The following FBXL17 variants were observed in gnomAD, a reference collection of about 807,000 sequenced individuals.
The protein encoded by FBXL17 is F-box/LRR-repeat protein 17.
Under a neutral mutation model 66.2 loss-of-function variants are expected in FBXL17, and 22 were observed. The observed-to-expected ratio is 0.33, with a 90% CI of 0.24 to 0.47. The LOEUF (loss-of-function observed/expected upper bound fraction) is 0.47, where lower values mean the gene tolerates loss of function less well. FBXL17 is among the 20% of genes least tolerant of loss of function. The probability of loss-of-function intolerance (pLI) is 1.00; values close to 1 mark genes in which losing one functional copy is unlikely to be tolerated. For missense variants in FBXL17, 878 were observed against 948.2 expected, an observed-to-expected ratio of 0.93 and a Z score of 0.97; for synonymous variants, 474 against 400.5, an observed-to-expected ratio of 1.18 and a Z score of -2.19.
intron 4 of FBXL17, among the ~76,000 whole-genome samples, chr5:108,264,217 A>C (rs1580711947): frequency 6.7e-6 from 1 of 148,416 alleles, no homozygotes; most frequent in Admixed American, 6.7e-5. Context: ...TCTTTCTCAA[A>C]AAAAAAAAAA....
chr5:108,146,337 A>T (rs1397101996), intron 6 of FBXL17, among the ~76,000 whole-genome samples: 1 of 151,926 alleles, frequency 6.6e-6, no homozygotes, highest in Non-Finnish European at 1.5e-5. Flanking sequence ...AAATCCCCAT[A>T]TTCGAACGAG....
chr5:108,119,491 T>C (rs892912930), intron 6 of FBXL17, among the ~76,000 whole-genome samples: 10 of 152,152 alleles, frequency 6.6e-5, no homozygotes, highest in Admixed American at 5.9e-4. Context: ...ATAGGGCCCA[T>C]TGTTAACAGA....
intron 4 of FBXL17, among the ~76,000 whole-genome samples, chr5:108,287,307 A>T (rs1757937937): frequency 6.6e-6 from 1 of 152,110 alleles, no homozygotes; most frequent in Non-Finnish European, 1.5e-5. Context: ...AGCAAAAGAA[A>T]CTACTGACAG....
intron 6 of FBXL17, among the ~76,000 whole-genome samples, chr5:108,092,523 C>T (rs1315409459): frequency 1.3e-5 from 2 of 152,258 alleles, no homozygotes; most frequent in Non-Finnish European, 2.9e-5. Context: ...GCCATGTTGT[C>T]CAGGCTGATC....
intron 4 of FBXL17, among the ~76,000 whole-genome samples, chr5:108,263,860 A>G (rs982667202): frequency 1.3e-5 from 2 of 152,312 alleles, no homozygotes; most frequent in South Asian, 4.1e-4. Context: ...TTATTAGAAC[A>G]AACTACCCAA....
chr5:107,893,595 A>G (rs1393672247), intron 7 of FBXL17, among the ~76,000 whole-genome samples: 1 of 152,116 alleles, frequency 6.6e-6, no homozygotes, highest in Non-Finnish European at 1.5e-5. Flanking sequence ...CTGACCCAAA[A>G]CCAACAATAT....
chr5:108,226,382 CTTTAT>C (rs1755101680), intron 4 of FBXL17, among the ~76,000 whole-genome samples: 1 of 151,998 alleles, frequency 6.6e-6, no homozygotes, highest in East Asian at 1.9e-4. Context: ...TTTACTTCTA[CTTTAT>C]TTTATTTTTA....
intron 1 of FBXL17, among the ~76,000 whole-genome samples, chr5:108,375,367 GCA>G (rs61340348): frequency 0.059 from 8,843 of 148,814 alleles, 824 homozygotes; most frequent in East Asian, 0.39. Context: ...CAGAGACCCT[GCA>G]CACACACACA....
rs1381185224 is a variant in FBXL17, at chr5:107,965,872, C to A, written c.1822+55053G>T. Among the ~76,000 whole-genome samples, 8 of 152,140 alleles carry A rather than the reference C, an allele frequency of 5.3e-5. No homozygotes were observed. The East Asian group carries it at 1.5e-3, about 29-fold the overall frequency. ...AATTACACATAAAATATGATGACAC[C>A]AATTAGCACTTCTTACAAATAGCTA... is the stretch of plus-strand genomic sequence containing the variant. On this transcript the variant is annotated intron_variant, in intron 7 of 8. Transcript: ENST00000542267.
intron 6 of FBXL17, among the ~76,000 whole-genome samples, chr5:108,121,626 G>A (rs1328651307): frequency 6.6e-6 from 1 of 151,544 alleles, no homozygotes; most frequent in African/African-American, 2.4e-5. Context: ...GCACGGTCTC[G>A]GCTCACTGCA....
intron 6 of FBXL17, among the ~76,000 whole-genome samples, chr5:108,159,121 G>A (rs980953576): frequency 1.9e-4 from 29 of 152,186 alleles, no homozygotes; most frequent in African/African-American, 6.7e-4. Flanking sequence ...GAATGTCCTT[G>A]ACCTTATTAC....
At chr5:108,376,754 G>A (rs1398575924) in intron 1 of FBXL17, among the ~76,000 whole-genome samples, 1 of 150,660 alleles carries the variant, frequency 6.6e-6, no homozygotes, top group Admixed American at 6.6e-5. Flanking sequence ...GTTAAAAACT[G>A]GACATTTTGG....
At chr5:107,928,379 G>A (rs1421690096) in intron 7 of FBXL17, among the ~76,000 whole-genome samples, 1 of 150,876 alleles carries the variant, frequency 6.6e-6, no homozygotes, top group Non-Finnish European at 1.5e-5. Context: ...AGAGAGTTTG[G>A]CTCTAGGATT....
At chr5:108,266,151 A>G (rs1757036836) in intron 4 of FBXL17, among the ~76,000 whole-genome samples, 1 of 152,036 alleles carries the variant, frequency 6.6e-6, no homozygotes, top group African/African-American at 2.4e-5. Context: ...TGGAAATCTC[A>G]TAATGCAACT....
chr5:108,280,731 T>C (rs1287327966), intron 4 of FBXL17, among the ~76,000 whole-genome samples: 1 of 109,956 alleles, frequency 9.1e-6, no homozygotes, highest in Admixed American at 8.4e-5. Context: ...GCAGAATGAA[T>C]TAAAAAAAAA....
At chr5:108,332,774 A>C (rs1432003310) in intron 4 of FBXL17, among the ~76,000 whole-genome samples, 3 of 151,798 alleles carry the variant, frequency 2.0e-5, no homozygotes, top group Non-Finnish European at 2.9e-5. Context: ...TGTCCAGCTA[A>C]TTCTTGTATT....
chr5:107,989,089 G>T (rs1370443914), intron 7 of FBXL17, among the ~76,000 whole-genome samples: 1 of 151,962 alleles, frequency 6.6e-6, no homozygotes, highest in Admixed American at 6.6e-5. Context: ...ATTAAGTCAT[G>T]GTAATTGAGA....
chr5:108,325,326 T>C (rs534440479), intron 4 of FBXL17, among the ~76,000 whole-genome samples: 6 of 152,268 alleles, frequency 3.9e-5, no homozygotes, highest in East Asian at 1.9e-4. Flanking sequence ...ATTATCTTTG[T>C]ATTCAAAACT....
chr5:108,044,213 A>G (rs1254158601), intron 6 of FBXL17, among the ~76,000 whole-genome samples: 1 of 152,086 alleles, frequency 6.6e-6, no homozygotes. Flanking sequence ...AACTTCCAGT[A>G]CTATATTAAG....
Sources: allele counts gnomAD v4.1 joint callset (sites outside exome capture counted in the v4.1 genomes callset), GRCh38; gene constraint gnomAD v4.1.1; transcripts MANE v1.5; gene names NCBI Gene and HGNC (gene_info 2026-07-23, HGNC 2026-07-21).